ZNF487: variants seen among roughly 807,000 people sequenced by gnomAD.
ZNF487 encodes the protein KRAB domain only 1.
In ZNF487, 4 loss-of-function variants were observed where a neutral mutation model predicts 3.0. The observed-to-expected ratio is 1.35, with a 90% CI of 0.66 to 3.08. The LOEUF is 3.08. ZNF487 is among the 30% of genes most tolerant of loss of function. The pLI is 0.01. For synonymous variants in ZNF487, 55 were observed against 34.6 expected (o/e 1.59, Z -2.06); for missense variants, 146 against 98.7 (o/e 1.48, Z -2.03).
chr10:43,492,099 G>A, the ZNF487 span, among the ~76,000 whole-genome samples: 7 of 151,478 alleles, frequency 4.6e-5, no homozygotes, highest in South Asian at 6.2e-4. Context: ...GCCACATCCC[G>A]CCATGAGCTG....
chr10:43,506,960 G>A, the ZNF487 span, among the ~76,000 whole-genome samples: 11,297 of 152,224 alleles, frequency 0.074, 578 homozygotes, highest in East Asian at 0.2. Flanking sequence ...CCATGATACA[G>A]CAAAGGCTGC....
intron 1 of ZNF487, among the ~76,000 whole-genome samples, chr10:43,466,517 C>T (rs941641078): frequency 1.3e-5 from 2 of 151,328 alleles, no homozygotes; most frequent in Non-Finnish European, 2.9e-5. Flanking sequence ...ATTCTCCTGC[C>T]TCAGCCTCCT....
chr10:43,501,468 A>G, the ZNF487 span, among the ~76,000 whole-genome samples: 1 of 152,176 alleles, frequency 6.6e-6, no homozygotes, highest in Non-Finnish European at 1.5e-5. Context: ...GGCCAGGCTC[A>G]GTGGCTTATG....
chr10:43,472,371 TG>T (rs1357516772), intron 1 of ZNF487, among the ~76,000 whole-genome samples: 6 of 152,178 alleles, frequency 3.9e-5, no homozygotes, highest in African/African-American at 1.4e-4. Context: ...ATTTTTGAAC[TG>T]TTTTTTTCTT....
the ZNF487 span, among the ~76,000 whole-genome samples, chr10:43,514,637 C>G: frequency 6.6e-6 from 1 of 152,200 alleles, no homozygotes; most frequent in East Asian, 1.9e-4. Flanking sequence ...ATCAGAGTAG[C>G]CACGCCCACC....
chr10:43,508,646 T>TAAAAATAC, the ZNF487 span, among the ~76,000 whole-genome samples: 10 of 151,784 alleles, frequency 6.6e-5, no homozygotes, highest in African/African-American at 9.7e-5. Context: ...CCGTCTCTAC[T>TAAAAATAC]AAAAATACAA....
At chr10:43,460,223 T>A (rs1308612500) in intron 1 of ZNF487, among the ~76,000 whole-genome samples, 2 of 152,174 alleles carry the variant, frequency 1.3e-5, no homozygotes, top group Non-Finnish European at 2.9e-5. Context: ...TGGATTGAGT[T>A]AATTTTATTA....
rs746466033 is a variant in ZNF487, at chr10:43,481,714, G to A, written c.416G>A (p.Cys139Tyr). 1.5e-5 allele frequency: 11 copies of A among 716,168 alleles called. No homozygotes were observed. The highest frequency in any genetic ancestry group is 6.0e-5 in the Admixed American group (3 of 49,878). The allele number at this position is 716,168 out of a possible 1,614,324, so 44.4% of individuals were successfully genotyped here. ...AATGTACGTGGGAAATTTCTCCTCT[G>A]TATGAAGCGTGAGAATCCTTATGCC... ...ECNVRGKFLL[C>Y]MKRENPYARG... The change falls in exon 4 of 4, where the codon TGT becomes TAT. Residue 139 changes from cysteine (C) to tyrosine (Y), a missense_variant. Transcript: ENST00000437590.
the ZNF487 span, among the ~76,000 whole-genome samples, chr10:43,498,093 ATATATATTTTTTTTTTTTTTCTTTTTT>A: frequency 2.8e-3 from 37 of 13,244 alleles, no homozygotes; most frequent in African/African-American, 5.5e-3. Flanking sequence ...ATATATATAT[ATATATATTTTTTTTTTTTTTCTTTTTT>A]TTTTTTTTTT....
At chr10:43,455,318 C>T (rs1840144960) in intron 1 of ZNF487, among the ~76,000 whole-genome samples, 1 of 152,174 alleles carries the variant, frequency 6.6e-6, no homozygotes, top group African/African-American at 2.4e-5. Flanking sequence ...GCCTAGTTTG[C>T]ACTTTTATTC....
At chr10:43,501,741 CA>C in the ZNF487 span, among the ~76,000 whole-genome samples, 6 of 139,358 alleles carry the variant, frequency 4.3e-5, no homozygotes, top group African/African-American at 1.3e-4. Context: ...GACCCTGTCT[CA>C]AAAAAAAACA....
rs192282255 is a variant in ZNF487 at position 43,472,871 on chromosome 10, A to T, written c.-93-2850A>T. Among the ~76,000 whole-genome samples the T allele has an allele frequency of 4.0e-3, 607 of 151,920 alleles. 1 individual carries two copies. Among genetic ancestry groups the T allele is most frequent in the South Asian group, 6.9e-3 (33 of 4,808 alleles). On this transcript the variant is annotated intron_variant, in intron 1 of 3. Coordinates refer to ENST00000437590, the MANE Select transcript of ZNF487 (RefSeq NM_001355444.3). The stretch of plus-strand genomic sequence containing the variant: ...TTTATAAGCATTTATAATTATGTCA[A>T]CCATATTTAATAAGTTGATCATTGG...
chr10:43,448,906 G>C (rs1019175815), intron 1 of ZNF487, among the ~76,000 whole-genome samples: 2 of 151,666 alleles, frequency 1.3e-5, no homozygotes, highest in Non-Finnish European at 2.9e-5. Context: ...TGAAGCAGGA[G>C]GATCACTTGA....
chr10:43,509,713 C>A, the ZNF487 span, among the ~76,000 whole-genome samples: 1 of 152,056 alleles, frequency 6.6e-6, no homozygotes, highest in African/African-American at 2.4e-5. Context: ...TCTAGCCTCG[C>A]TGTCAGCTGA....
upstream of ZNF487, chr10:43,436,937 TAAGAG>T (rs1171574517): frequency 3.4e-5 from 16 of 465,704 alleles, no homozygotes; most frequent in African/African-American, 2.4e-4. Context: ...AAGGCTGGGG[TAAGAG>T]TCCGGCCAGC....
chr10:43,491,393 G>C, the ZNF487 span, among the ~76,000 whole-genome samples: 4 of 151,570 alleles, frequency 2.6e-5, no homozygotes, highest in African/African-American at 9.8e-5. Context: ...GGTTCCCTCA[G>C]ACCTGGCCCC....
chr10:43,455,519 G>C (rs1840154372), intron 1 of ZNF487, among the ~76,000 whole-genome samples: 1 of 152,242 alleles, frequency 6.6e-6, no homozygotes, highest in African/African-American at 2.4e-5. Flanking sequence ...GTCCACGTCC[G>C]GGTCAACGCC....
the ZNF487 span, among the ~76,000 whole-genome samples, chr10:43,507,613 C>T: frequency 2.0e-5 from 3 of 152,360 alleles, no homozygotes; most frequent in African/African-American, 7.2e-5. Flanking sequence ...ATGCAAAACC[C>T]CTAGCCAGTG....
At chr10:43,462,799 T>C (rs1467151457) in intron 1 of ZNF487, among the ~76,000 whole-genome samples, 1 of 144,414 alleles carries the variant, frequency 6.9e-6, no homozygotes, top group East Asian at 2.1e-4. Flanking sequence ...GATAGGGGTC[T>C]CATGTTGTCA....
Sources: allele counts gnomAD v4.1 joint callset (sites outside exome capture counted in the v4.1 genomes callset), GRCh38; gene constraint gnomAD v4.1.1; transcripts MANE v1.5; gene names NCBI Gene and HGNC (gene_info 2026-07-23, HGNC 2026-07-21).